The following KNDC1 variants were observed in gnomAD, a reference collection of about 807,000 sequenced individuals.
The protein encoded by KNDC1 is kinase non-catalytic C-lobe domain-containing protein 1.
KNDC1 carries 106 observed loss-of-function variants against 172.8 expected under a neutral mutation model. That is an observed-to-expected ratio of 0.61 (90% CI 0.52 to 0.72). The LOEUF is 0.72. Among genes scored for constraint, KNDC1 ranks in the 30% least tolerant of loss-of-function variants. The probability of loss-of-function intolerance (pLI) is 0.00; values close to 1 mark genes in which losing one functional copy is unlikely to be tolerated. For missense variants in KNDC1, 2,325 were observed against 2,394.5 expected (o/e 0.97, Z 0.61); for synonymous variants, 1,083 against 1,062.2 (o/e 1.02, Z -0.38).
chr10:133,212,773 C>G lies in KNDC1; in HGVS notation c.4294C>G (p.Arg1432Gly). The G allele has an allele frequency of 6.2e-7, 1 of 1,613,852 alleles. No homozygotes were observed. Among genetic ancestry groups the G allele is most frequent in the Non-Finnish European group, 8.5e-7 (1 of 1,179,912 alleles). The change falls in exon 24 of 30, where the codon CGC (arginine) becomes GGC (glycine). Residue 1432 changes from arginine to glycine, a missense_variant. Coordinates refer to ENST00000304613, the MANE Select transcript of KNDC1 (RefSeq NM_152643.8). ...NGLVLPPHKE[R>G]PYTIAAALPK... ...GCTGGTGCTGCCGCCACACAAGGAG[C>G]GCCCCTACACCATTGCTGCCGCCCT...
intron 3 of KNDC1, among the ~76,000 whole-genome samples, chr10:133,175,585 A>ATG (rs1564877318): frequency 0.39 from 57,561 of 146,180 alleles, 12,750 homozygotes; most frequent in South Asian, 0.64. Flanking sequence ...ATGGATGGGT[A>ATG]GATGGATGGA....
chr10:133,220,261 G>C lies in KNDC1; in HGVS notation c.5018+149G>C, dbSNP rs535257345. The stretch of plus-strand genomic sequence containing the variant: ...CCCAGGTGAGGAGGGGCTCAGGCGG[G>C]CGCGCGCCCAGGAGAGGAGGGGCTC... On this transcript the variant is annotated intron_variant, in intron 29 of 29. Transcript: ENST00000304613. The C allele has an allele frequency of 4.0e-3, 1,035 of 261,728 alleles. 18 individuals are homozygous for C. The highest frequency in any genetic ancestry group is 3.9e-3 in the Non-Finnish European group (611 of 155,364). The allele number at this position is 261,728 out of a possible 1,614,324, so 16.2% of individuals were successfully genotyped here.
chr10:133,184,959 C>T (rs1389204864), intron 5 of KNDC1, among the ~76,000 whole-genome samples: 1 of 152,280 alleles, frequency 6.6e-6, no homozygotes, highest in South Asian at 2.1e-4. Flanking sequence ...TTGTGGCTCA[C>T]GCATATTCTG....
rs528282597 is a variant in KNDC1, at chr10:133,202,024, G to A, written c.3387+126G>A. The A allele has an allele frequency of 1.2e-4, 132 of 1,097,798 alleles. No individual in the cohort carries two copies. The African/African-American group carries it at 1.5e-3, about 12-fold the overall frequency. 68.0% of individuals were successfully genotyped at this position (1,097,798 alleles called of 1,614,324 possible). On this transcript the variant is annotated intron_variant, in intron 17 of 29. Coordinates refer to ENST00000304613, the MANE Select transcript of KNDC1 (RefSeq NM_152643.8). ...CCCCCAACAGGGTGACACTGGTCCT[G>A]GTGCCCCCACCCCGTGGCTGTCAAG...
In KNDC1 at chr10:133,168,312, G is replaced by A. The variant is rs752078236; in HGVS notation, c.360G>A (p.Glu120=). Residue 120 remains glutamate (E), a splice_region_variant and synonymous_variant, in exon 3 of 30, where the codon GAG becomes GAA. Coordinates refer to ENST00000304613, the MANE Select transcript of KNDC1 (RefSeq NM_152643.8). Reference sequence around the variant, plus strand: ...TCGACGTGACCGGGAACACCTTTGAGGTAAGTGCAGGTGGGGGTAATGTGC... The same window carrying A: ...TCGACGTGACCGGGAACACCTTTGAAGTAAGTGCAGGTGGGGGTAATGTGC... ...PEFDVTGNTF[E]AHIYSLGATL... is the part of the protein sequence containing the mutation. The A allele has an allele frequency of 1.5e-5, 25 of 1,613,866 alleles. No individual in the cohort carries two copies. In the East Asian group the frequency reaches 2.7e-4, roughly 17 times the overall value.
chr10:133,201,366 G>A, intron 16 of KNDC1, 135 bp from the exon 17 acceptor site: 3 of 945,800 alleles, frequency 3.2e-6, no homozygotes, highest in Non-Finnish European at 3.2e-6. Flanking sequence ...CCGTGCCCGG[G>A]GGGCGCCCGT....
chr10:133,218,230 T>A lies in KNDC1; in HGVS notation c.4678-601T>A, dbSNP rs145703413. 2.8e-3 allele frequency among the ~76,000 whole-genome samples: 425 copies of A among 152,312 alleles called. 1 individual carries two copies. Among genetic ancestry groups the A allele is most frequent in the Middle Eastern group, 0.01 (3 of 294 alleles). ...ATCTTCCTGAAGCCCTGGAAGTGGA[T>A]CCAGGAACGCAGCCCTTTGGGACTG... On this transcript the variant is annotated intron_variant, in intron 26 of 29. Transcript: ENST00000304613.
At chr10:133,219,507 C>G (rs1484036634) in intron 28 of KNDC1, among the ~76,000 whole-genome samples, 1 of 152,236 alleles carries the variant, frequency 6.6e-6, no homozygotes, top group Non-Finnish European at 1.5e-5. Flanking sequence ...CAGCCACAGC[C>G]TGTCCCCGTC....
At position 133,167,586 on chromosome 10, in the gene KNDC1, CGGCGGT is replaced by C. The variant is rs575971295; in HGVS notation, c.301+19_301+24del. On this transcript the variant is annotated splice_region_variant and intron_variant, in intron 2 of 29. Coordinates refer to ENST00000304613, the MANE Select transcript of KNDC1 (RefSeq NM_152643.8). ...TTCATGGAGCAGCTCAGCGGTGAGG[CGGCGGT>C]GGCGGTGGCGGCGGCGGCGGGCACG... 535 of 1,574,458 alleles carry C rather than the reference CGGCGGT, an allele frequency of 3.4e-4. 1 individual carries two copies. In the African/African-American group the frequency reaches 6.5e-3, roughly 19 times the overall value.
Position 133,198,373 on chromosome 10 carries a change from C to T in KNDC1, c.1943C>T (p.Ala648Val). The T allele has an allele frequency of 6.3e-7, 1 of 1,596,382 alleles. No homozygotes were observed. The highest frequency in any genetic ancestry group is 1.3e-5 in the African/African-American group (1 of 74,774). ...GTGAACAGCGACACCGGGCTTGTGG[C>T]TGTGCCAGGGCCCGTGCCCGGCCAG... ...LPVNSDTGLVAVPGPVPGQHP... is the reference protein window; with the variant it reads ...LPVNSDTGLVVVPGPVPGQHP... The change falls in exon 13 of 30, where the codon GCT becomes GTT. Residue 648 changes from alanine (A) to valine (V), a missense_variant. By Grantham distance (64) the Ala-to-Val change is moderately conservative. Transcript: ENST00000304613.
In KNDC1 at chr10:133,207,127, G is replaced by A. The variant is rs374973431; in HGVS notation, c.3580-10G>A. The A allele has an allele frequency of 2.0e-4, 311 of 1,574,656 alleles. 1 individual carries two copies. Among genetic ancestry groups the A allele is most frequent in the Non-Finnish European group, 2.5e-4 (293 of 1,161,152 alleles). On this transcript the variant is annotated splice_polypyrimidine_tract_variant and intron_variant, in intron 19 of 29. Transcript: ENST00000304613. ...CAGAGTGACCAAGCGCCCGTGTCCC[G>A]CTCCGGCAGGTCATGTACGCGGAAC... is the stretch of plus-strand genomic sequence containing the variant.
chr10:133,166,872 G>A (rs972033310), intron 1 of KNDC1, among the ~76,000 whole-genome samples: 20 of 152,272 alleles, frequency 1.3e-4, no homozygotes, highest in South Asian at 4.1e-4. Context: ...GGAGGGAACC[G>A]CCGTGACTGT....
At chr10:133,202,084 G>A (rs551632709) in intron 17 of KNDC1, 186 bp downstream of exon 17, 42 of 742,004 alleles carry the variant, frequency 5.7e-5, no homozygotes, top group Admixed American at 2.0e-4. Flanking sequence ...TGAGCTCCAC[G>A]TCTAGGGACA....
At chr10:133,186,973 G>C (rs963563422) in intron 6 of KNDC1, among the ~76,000 whole-genome samples, 1 of 152,164 alleles carries the variant, frequency 6.6e-6, no homozygotes, top group East Asian at 1.9e-4. Flanking sequence ...GCCGTCCCGA[G>C]GGATTAATTT....
At chr10:133,183,807 G>T in intron 4 of KNDC1, 65 bp from the exon 5 acceptor site, 1 of 1,280,966 alleles carries the variant, frequency 7.8e-7, no homozygotes, top group Non-Finnish European at 1.1e-6. Context: ...GGCCGTGTCG[G>T]GTGGGTGGCT....
chr10:133,207,208 C>G lies in KNDC1; in HGVS notation c.3651C>G (p.Pro1217=). ...LPVIVNIAAA[P]CDTLDFSPLD... is the part of the protein sequence containing the mutation. ...TGATCGTGAACATCGCGGCCGCACCCTGCGACACGCTGGACTTCAGCCCCC... is the reference window on the plus strand; with the variant it reads ...TGATCGTGAACATCGCGGCCGCACCGTGCGACACGCTGGACTTCAGCCCCC... Residue 1217 remains proline, a synonymous_variant, in exon 20 of 30, where the codon CCC becomes CCG. Coordinates refer to ENST00000304613, the MANE Select transcript of KNDC1 (RefSeq NM_152643.8). 3 of 1,612,216 alleles carry G rather than the reference C, an allele frequency of 1.9e-6. No homozygotes were observed. The highest frequency in any genetic ancestry group is 2.5e-6 in the Non-Finnish European group (3 of 1,179,840).
intron 1 of KNDC1, 37 bp downstream of exon 1, chr10:133,160,606 G>A: frequency 6.8e-7 from 1 of 1,463,278 alleles, no homozygotes; most frequent in Non-Finnish European, 9.3e-7. Flanking sequence ...CCCTTCCGCC[G>A]CCGAGGGGTC....
At chr10:133,195,326 G>A (rs1037064266) in intron 9 of KNDC1, among the ~76,000 whole-genome samples, 1 of 152,220 alleles carries the variant, frequency 6.6e-6, no homozygotes, top group Non-Finnish European at 1.5e-5. Context: ...GTGAGGTGGG[G>A]GCTATGCTGG....
At chr10:133,214,812 C>G (rs1279576868) in intron 26 of KNDC1, among the ~76,000 whole-genome samples, 6 of 152,250 alleles carry the variant, frequency 3.9e-5, no homozygotes, top group Non-Finnish European at 7.3e-5. Flanking sequence ...CCTCCCCTGA[C>G]CTGCCCCACC....
Sources: allele counts gnomAD v4.1 joint callset (sites outside exome capture counted in the v4.1 genomes callset), GRCh38; gene constraint gnomAD v4.1.1; transcripts MANE v1.5; gene names NCBI Gene and HGNC (gene_info 2026-07-23, HGNC 2026-07-21).